IL31RA: variants seen among roughly 807,000 people sequenced by gnomAD.
The protein encoded by IL31RA is interleukin-31 receptor subunit alpha.
IL31RA carries 66 observed loss-of-function variants against 83.7 expected under a neutral mutation model. That is an observed-to-expected ratio of 0.79 (90% CI 0.65 to 0.97). The LOEUF (loss-of-function observed/expected upper bound fraction) is 0.97, where lower values mean the gene tolerates loss of function less well. Ranked by LOEUF, IL31RA falls within the 50% of genes least tolerant of loss-of-function variation. The pLI is 0.00. For missense variants in IL31RA, 798 were observed against 919.4 expected (o/e 0.87, Z 1.71); for synonymous variants, 325 against 329.0 (o/e 0.99, Z 0.13).
intron 2 of IL31RA, among the ~76,000 whole-genome samples, chr5:55,867,401 GT>G (rs1398923802): frequency 6.6e-6 from 1 of 151,870 alleles, no homozygotes; most frequent in Non-Finnish European, 1.5e-5. Context: ...AACAATGTTT[GT>G]AAATGCACAA....
At chr5:55,862,610 T>C (rs1468111975) in intron 2 of IL31RA, among the ~76,000 whole-genome samples, 3 of 152,194 alleles carry the variant, frequency 2.0e-5, no homozygotes, top group Non-Finnish European at 4.4e-5. Flanking sequence ...GGTTTCACCA[T>C]GTTGGCCCGG....
At chr5:55,869,465 T>G (rs1425516769) in intron 3 of IL31RA, among the ~76,000 whole-genome samples, 1 of 152,134 alleles carries the variant, frequency 6.6e-6, no homozygotes, top group East Asian at 1.9e-4. Context: ...AAGTAAATAT[T>G]TGCAGGTTAA....
chr5:55,840,906 G>A, the IL31RA span, among the ~76,000 whole-genome samples: 13 of 152,244 alleles, frequency 8.5e-5, no homozygotes, highest in Admixed American at 6.5e-4. Flanking sequence ...ACTGATAATG[G>A]CTGCGATCTT....
At chr5:55,913,747 C>T (rs1431803640) in intron 13 of IL31RA, among the ~76,000 whole-genome samples, 177 bp downstream of exon 13, 1 of 152,256 alleles carries the variant, frequency 6.6e-6, no homozygotes, top group Non-Finnish European at 1.5e-5. Context: ...CACCGGAATT[C>T]TGACCAAGCA....
chr5:55,890,085 A>G lies in IL31RA; in HGVS notation c.722A>G (p.Lys241Arg). The change falls in exon 6 of 15, where the codon AAG becomes AGG. Residue 241 changes from lysine (K) to arginine (R), a missense_variant. Coordinates refer to ENST00000652347, the MANE Select transcript of IL31RA (RefSeq NM_139017.7). ...CTGCGATGTGCGGTCAAGGAGTCAA[A>G]GTTCTGGAGTGACTGGAGCCAAGAA... ...IALRCAVKESKFWSDWSQEKM... is the reference protein window; with the variant it reads ...IALRCAVKESRFWSDWSQEKM... The G allele has an allele frequency of 6.2e-7, 1 of 1,613,924 alleles. No individual in the cohort carries two copies. The highest frequency in any genetic ancestry group is 8.5e-7 in the Non-Finnish European group (1 of 1,179,862).
At chr5:55,891,761 ATTTTTTTTTTTTTTTTTTTT>A (rs35672011) in intron 6 of IL31RA, among the ~76,000 whole-genome samples, 2 of 59,994 alleles carry the variant, frequency 3.3e-5, no homozygotes, top group Non-Finnish European at 5.8e-5. Flanking sequence ...TTTGGACAAG[ATTTTTTTTTTTTTTTTTTTT>A]TTTTTTTTTT....
intron 2 of IL31RA, among the ~76,000 whole-genome samples, chr5:55,866,105 G>C (rs1266068234): frequency 1.3e-5 from 2 of 152,108 alleles, no homozygotes; most frequent in African/African-American, 2.4e-5. Flanking sequence ...TCCCAGGCCT[G>C]GTCCCGTCTC....
chr5:55,889,990 G>A lies in IL31RA; in HGVS notation c.627G>A (p.Lys209=), dbSNP rs766018246. The change falls in exon 6 of 15, where the codon AAG becomes AAA. Residue 209 remains lysine, a synonymous_variant. Transcript: ENST00000652347. ...STSWMEVNFA[K]NRKDKNQTYN... is the part of the protein sequence containing the mutation. ...TGTAGATGGAAGTCAACTTCGCTAAGAACCGTAAGGATAAAAACCAAACGT... is the reference window on the plus strand; with the variant it reads ...TGTAGATGGAAGTCAACTTCGCTAAAAACCGTAAGGATAAAAACCAAACGT... 2 of 1,614,102 alleles carry A rather than the reference G, an allele frequency of 1.2e-6. No homozygotes were observed. The highest frequency in any genetic ancestry group is 1.7e-6 in the Non-Finnish European group (2 of 1,179,962).
chr5:55,883,250 A>T, intron 5 of IL31RA, 55 bp downstream of exon 5: 1 of 1,381,574 alleles, frequency 7.2e-7, no homozygotes, highest in Non-Finnish European at 1.0e-6. Flanking sequence ...GAAAAGAATC[A>T]TTGACAACTA....
intron 4 of IL31RA, among the ~76,000 whole-genome samples, chr5:55,878,318 G>T (rs571086801): frequency 6.6e-6 from 1 of 152,038 alleles, no homozygotes; most frequent in Non-Finnish European, 1.5e-5. Flanking sequence ...TAGGGTCTTG[G>T]TCTAGAAATT....
chr5:55,909,192 C>T (rs979009312), intron 11 of IL31RA: 1 of 152,874 alleles, frequency 6.5e-6, no homozygotes, highest in African/African-American at 2.4e-5. Flanking sequence ...TTTCAAAGTT[C>T]ACCCATGTTA....
intron 2 of IL31RA, among the ~76,000 whole-genome samples, chr5:55,867,089 G>GTGTGTGTGTGTGTGTGCGCA (rs1554085182): frequency 1.3e-4 from 11 of 84,430 alleles, no homozygotes; most frequent in African/African-American, 3.3e-4. Flanking sequence ...GTGTGTTTGT[G>GTGTGTGTGTGTGTGTGCGCA]TGTGTGTGTT....
intron 7 of IL31RA, 95 bp downstream of exon 7, chr5:55,896,524 TCCTTCCCTTCCCTTC>T: frequency 7.8e-6 from 5 of 637,648 alleles, no homozygotes; most frequent in South Asian, 1.5e-5. Flanking sequence ...CCTTCCATCC[TCCTTCCCTTCCCTTC>T]CCTTCCCTTC....
chr5:55,922,327 T>C lies in IL31RA; in HGVS notation c.*5207T>C, dbSNP rs1440739233. ...CAGAACTCCACAAGAGGGCAAAACC[T>C]GCTGTCAGCAATGCTCTCGTGGCTG... On this transcript the variant is annotated 3_prime_UTR_variant, in exon 15 of 15. Coordinates refer to ENST00000652347, the MANE Select transcript of IL31RA (RefSeq NM_139017.7). 1.5e-6 allele frequency: 2 copies of C among 1,377,684 alleles called. No individual in the cohort carries two copies. The allele number at this position is 1,377,684 out of a possible 1,614,324, so 85.3% of individuals were successfully genotyped here.
chr5:55,893,863 A>G (rs1381040204), intron 6 of IL31RA, among the ~76,000 whole-genome samples: 1 of 148,348 alleles, frequency 6.7e-6, no homozygotes, highest in African/African-American at 2.5e-5. Flanking sequence ...CCAGACTGAA[A>G]TGTAGTGGTG....
chr5:55,883,082 G>C lies in IL31RA; in HGVS notation c.493G>C (p.Val165Leu). ...ACCTAAGATTTTCCGTGTGAAACCA[G>C]TTTTGGGCATCAAACGAATGATTCA... ...EPPKIFRVKPVLGIKRMIQIE... is the reference protein window; with the variant it reads ...EPPKIFRVKPLLGIKRMIQIE... The change falls in exon 5 of 15, where the codon GTT becomes CTT. Residue 165 changes from valine (V) to leucine (L), a missense_variant. By Grantham distance (32) the Val-to-Leu change is conservative. Transcript: ENST00000652347. 1 of 1,614,060 alleles carries C rather than the reference G, an allele frequency of 6.2e-7. No individual in the cohort carries two copies. Among genetic ancestry groups the C allele is most frequent in the Non-Finnish European group, 8.5e-7 (1 of 1,179,962 alleles).
chr5:55,844,137 C>T, the IL31RA span, among the ~76,000 whole-genome samples: 2 of 152,050 alleles, frequency 1.3e-5, no homozygotes, highest in Non-Finnish European at 2.9e-5. Context: ...AAAAGAATTA[C>T]ATCCAATGTC....
At chr5:55,914,054 A>G (rs1053638043) in intron 13 of IL31RA, among the ~76,000 whole-genome samples, 5 of 152,216 alleles carry the variant, frequency 3.3e-5, no homozygotes, top group Non-Finnish European at 7.3e-5. Context: ...GTCTGGCTGC[A>G]GGGGCCTTTA....
In IL31RA at chr5:55,922,039, A is replaced by G. The variant is rs1317374241; in HGVS notation, c.*4919A>G. ...ATGTGTAGTGTGGTCAGTGTCTTGC[A>G]CTCTTATGTTGTGGCGGGGGGGGGG... is the stretch of plus-strand genomic sequence containing the variant. On this transcript the variant is annotated 3_prime_UTR_variant, in exon 15 of 15. Transcript: ENST00000652347. 9.2e-6 allele frequency among the ~76,000 whole-genome samples: 1 copy of G among 108,742 alleles called. No individual in the cohort carries two copies. Among genetic ancestry groups the G allele is most frequent in the African/African-American group, 3.7e-5 (1 of 26,694 alleles). The allele number at this position is 108,742 out of a possible 152,430, so 71.3% of individuals were successfully genotyped here.
Sources: gnomAD v4.1 joint callset for allele counts (sites outside exome capture counted in the v4.1 genomes callset) on GRCh38, gnomAD v4.1.1 for gene constraint, MANE v1.5 for transcripts, NCBI Gene and HGNC (gene_info 2026-07-23, HGNC 2026-07-21) for gene names.